EPHA5: variants seen among roughly 807,000 people sequenced by gnomAD.
EPHA5 encodes the protein ephrin type-A receptor 5.
A neutral mutation model predicts 105.0 loss-of-function variants in EPHA5; 60 were observed. The ratio of observed to expected loss-of-function variants is 0.57; its 90% CI spans 0.46 to 0.71. EPHA5 has a LOEUF of 0.71. Among genes scored for constraint, EPHA5 ranks in the 30% least tolerant of loss-of-function variants. EPHA5 has a pLI of 0.00. For missense variants in EPHA5, 1,218 were observed against 1,274.7 expected, an observed-to-expected ratio of 0.96 and a Z score of 0.68; for synonymous variants, 513 against 449.1, an observed-to-expected ratio of 1.14 and a Z score of -1.80.
chr4:65,438,841 G>A (rs1044423970), intron 5 of EPHA5, among the ~76,000 whole-genome samples: 14 of 152,068 alleles, frequency 9.2e-5, no homozygotes, highest in African/African-American at 3.4e-4. Context: ...GTTTTAAGTT[G>A]TAACTATAAG....
At chr4:65,325,493 G>T (rs1719992036) in intron 16 of EPHA5, among the ~76,000 whole-genome samples, 1 of 151,236 alleles carries the variant, frequency 6.6e-6, no homozygotes, top group Non-Finnish European at 1.5e-5. Context: ...TGATATTTGT[G>T]ATGGAAACAT....
chr4:65,580,077 G>A (rs968215303), intron 3 of EPHA5, among the ~76,000 whole-genome samples: 1 of 151,764 alleles, frequency 6.6e-6, no homozygotes, highest in African/African-American at 2.4e-5. Context: ...TTTCAAGAAC[G>A]AGACTTAGAG....
chr4:65,575,858 TC>T (rs1482622387), intron 3 of EPHA5, among the ~76,000 whole-genome samples: 1 of 151,222 alleles, frequency 6.6e-6, no homozygotes, highest in Admixed American at 6.6e-5. Context: ...GCGCCTGTAA[TC>T]CCAGCTACTT....
At chr4:65,659,894 TA>T (rs910188383) in intron 1 of EPHA5, among the ~76,000 whole-genome samples, 1 of 152,098 alleles carries the variant, frequency 6.6e-6, no homozygotes, top group African/African-American at 2.4e-5. Context: ...ACTGTGCAAA[TA>T]ATAGAACAGA....
intron 3 of EPHA5, among the ~76,000 whole-genome samples, chr4:65,544,401 T>TA (rs2149327802): frequency 6.6e-6 from 1 of 150,580 alleles, no homozygotes; most frequent in East Asian, 2.0e-4. Context: ...AACAACCTAA[T>TA]AAAAAGTGGG....
intron 2 of EPHA5, among the ~76,000 whole-genome samples, chr4:65,627,802 GATTT>G (rs1335008194): frequency 2.0e-5 from 3 of 152,070 alleles, no homozygotes; most frequent in Non-Finnish European, 4.4e-5. Flanking sequence ...TTCTTCAGTA[GATTT>G]ACACAAAGTC....
At chr4:65,448,453 G>A (rs1204370180) in intron 5 of EPHA5, among the ~76,000 whole-genome samples, 1 of 152,096 alleles carries the variant, frequency 6.6e-6, no homozygotes, top group Non-Finnish European at 1.5e-5. Context: ...TTCCAGAGTA[G>A]CCTGGCCAAT....
At chr4:65,559,348 A>C (rs1386616204) in intron 3 of EPHA5, among the ~76,000 whole-genome samples, 1 of 152,186 alleles carries the variant, frequency 6.6e-6, no homozygotes, top group African/African-American at 2.4e-5. Flanking sequence ...TAAACACATA[A>C]GGATTTGAAT....
intron 16 of EPHA5, among the ~76,000 whole-genome samples, chr4:65,327,657 T>A (rs1380436189): frequency 6.6e-6 from 1 of 151,304 alleles, no homozygotes; most frequent in Non-Finnish European, 1.5e-5. Flanking sequence ...AAAACATGGA[T>A]AAATAAGATG....
At chr4:65,460,825 A>C (rs1728054590) in intron 5 of EPHA5, among the ~76,000 whole-genome samples, 1 of 151,796 alleles carries the variant, frequency 6.6e-6, no homozygotes, top group Non-Finnish European at 1.5e-5. Context: ...TGTGTGTTTG[A>C]GGTGAATGAG....
At chr4:65,661,959 C>A (rs1415894016) in intron 1 of EPHA5, among the ~76,000 whole-genome samples, 1 of 152,102 alleles carries the variant, frequency 6.6e-6, no homozygotes, top group Non-Finnish European at 1.5e-5. Flanking sequence ...CAGGCAGAGT[C>A]CCACAATTTA....
rs1413590332 is a variant in EPHA5, at chr4:65,506,559, G to T, written c.911-11016C>A. ...TCGCCATTCTAACTGATGTGAGATGGTATCTCATTGTGGTTTTGATTTGCA... is the reference window on the plus strand; with the variant it reads ...TCGCCATTCTAACTGATGTGAGATGTTATCTCATTGTGGTTTTGATTTGCA... On this transcript the variant is annotated intron_variant, in intron 3 of 16. Transcript: ENST00000613740. Among the ~76,000 whole-genome samples, 17 of 145,402 alleles carry T rather than the reference G, an allele frequency of 1.2e-4. 2 individuals are homozygous for T. The highest frequency in any genetic ancestry group is 4.1e-4 in the African/African-American group (16 of 39,398).
At chr4:65,333,850 C>A (rs1029220490) in intron 15 of EPHA5, among the ~76,000 whole-genome samples, 16 of 151,636 alleles carry the variant, frequency 1.1e-4, no homozygotes, top group African/African-American at 3.9e-4. Flanking sequence ...CAAGACCACA[C>A]TCCTCATCTC....
chr4:65,457,960 G>C (rs1727758860), intron 5 of EPHA5, among the ~76,000 whole-genome samples: 1 of 151,054 alleles, frequency 6.6e-6, no homozygotes, highest in African/African-American at 2.4e-5. Flanking sequence ...TGTAGTTCCA[G>C]CTACTCGGGA....
At chr4:65,410,195 T>G (rs547567850) in intron 7 of EPHA5, among the ~76,000 whole-genome samples, 1 of 152,160 alleles carries the variant, frequency 6.6e-6, no homozygotes, top group Non-Finnish European at 1.5e-5. Context: ...TTAAACAAAT[T>G]GTGGCACATA....
intron 1 of EPHA5, among the ~76,000 whole-genome samples, chr4:65,652,611 T>C (rs559085455): frequency 6.6e-6 from 1 of 152,222 alleles, no homozygotes; most frequent in East Asian, 1.9e-4. Flanking sequence ...GCCCCAACGT[T>C]TGACTGGTGA....
At chr4:65,638,770 C>G (rs1045010342) in intron 2 of EPHA5, among the ~76,000 whole-genome samples, 10 of 152,004 alleles carry the variant, frequency 6.6e-5, no homozygotes, top group African/African-American at 2.2e-4. Flanking sequence ...TAAATATTTC[C>G]TGAATGAATG....
chr4:65,336,547 T>A (rs1721204553), intron 14 of EPHA5, among the ~76,000 whole-genome samples: 1 of 152,144 alleles, frequency 6.6e-6, no homozygotes, highest in African/African-American at 2.4e-5. Flanking sequence ...GCCACATTTT[T>A]AAAGTAATAG....
At chr4:65,570,712 G>T (rs903625652) in intron 3 of EPHA5, among the ~76,000 whole-genome samples, 1 of 151,742 alleles carries the variant, frequency 6.6e-6, no homozygotes. Context: ...AAAAAAAATC[G>T]TAGTATTCTA....
Sources: gnomAD v4.1 joint callset for allele counts (sites outside exome capture counted in the v4.1 genomes callset) on GRCh38, gnomAD v4.1.1 for gene constraint, MANE v1.5 for transcripts, NCBI Gene and HGNC (gene_info 2026-07-23, HGNC 2026-07-21) for gene names.